The following DOK6 variants were observed in gnomAD, a reference collection of about 807,000 sequenced individuals.
DOK6 encodes docking protein 6.
In DOK6, 22 loss-of-function variants were observed where a neutral mutation model predicts 44.0. That is an observed-to-expected ratio of 0.50 (90% CI 0.36 to 0.71). DOK6 has a LOEUF of 0.71. Ranked by LOEUF, DOK6 falls within the 30% of genes least tolerant of loss-of-function variation. The probability of loss-of-function intolerance (pLI) is 0.00; values close to 1 mark genes in which losing one functional copy is unlikely to be tolerated. For missense variants in DOK6, 340 were observed against 416.4 expected, an observed-to-expected ratio of 0.82 and a Z score of 1.60; for synonymous variants, 166 against 145.5, an observed-to-expected ratio of 1.14 and a Z score of -1.01.
intron 4 of DOK6, among the ~76,000 whole-genome samples, chr18:69,689,971 C>T (rs145107139): frequency 5.6e-4 from 85 of 152,134 alleles, no homozygotes; most frequent in Middle Eastern, 3.5e-3. Context: ...TAAATACTTT[C>T]AGTATAATAA....
chr18:69,568,010 G>C (rs1030534831), intron 2 of DOK6, among the ~76,000 whole-genome samples: 12 of 152,176 alleles, frequency 7.9e-5, no homozygotes, highest in African/African-American at 2.9e-4. Flanking sequence ...CTCCCTCTCA[G>C]CCCAAGCTGG....
chr18:69,553,561 A>G (rs558944142), intron 1 of DOK6, among the ~76,000 whole-genome samples: 8 of 152,172 alleles, frequency 5.3e-5, no homozygotes, highest in Non-Finnish European at 1.2e-4. Context: ...ACTTAAGTGG[A>G]TGAGACTTAC....
chr18:69,581,511 A>G (rs1422363609), intron 2 of DOK6, among the ~76,000 whole-genome samples: 1 of 152,060 alleles, frequency 6.6e-6, no homozygotes, highest in Non-Finnish European at 1.5e-5. Flanking sequence ...AATGGGAGGG[A>G]ATTTTTTAGG....
chr18:69,650,650 T>C (rs1459116164), intron 3 of DOK6, among the ~76,000 whole-genome samples: 2 of 152,190 alleles, frequency 1.3e-5, no homozygotes, highest in East Asian at 1.9e-4. Flanking sequence ...GTGTAAAGCT[T>C]CAGTTATGCC....
intron 1 of DOK6, among the ~76,000 whole-genome samples, chr18:69,463,689 G>A (rs543275565): frequency 1.3e-5 from 2 of 152,042 alleles, no homozygotes; most frequent in South Asian, 4.2e-4. Flanking sequence ...ATGTGTGGGT[G>A]TCTATGTGTG....
chr18:69,688,412 T>A (rs1049409970), intron 4 of DOK6, among the ~76,000 whole-genome samples: 2 of 152,202 alleles, frequency 1.3e-5, no homozygotes, highest in Non-Finnish European at 2.9e-5. Flanking sequence ...GAAACCGGTG[T>A]CTTTCCTAAT....
intron 1 of DOK6, among the ~76,000 whole-genome samples, chr18:69,450,578 C>T (rs1244197530): frequency 1.4e-5 from 2 of 148,026 alleles, no homozygotes; most frequent in South Asian, 2.2e-4. Context: ...AGATACTCCT[C>T]GAGAAGAGCA....
chr18:69,832,215 A>C (rs911662925), intron 7 of DOK6, among the ~76,000 whole-genome samples: 1 of 152,194 alleles, frequency 6.6e-6, no homozygotes, highest in East Asian at 1.9e-4. Flanking sequence ...CTCTATACCC[A>C]ATTCTTTGAG....
chr18:69,811,543 T>C lies in DOK6; in HGVS notation c.857-29701T>C, dbSNP rs950777785. On this transcript the variant is annotated intron_variant, in intron 7 of 7. Transcript: ENST00000382713. Reference sequence around the variant, plus strand: ...ATTCCATTATATATATATATATATATATATATATATATATATATATATATA... The same window carrying C: ...ATTCCATTATATATATATATATATACATATATATATATATATATATATATA... Among the ~76,000 whole-genome samples, 33 of 21,010 alleles carry C rather than the reference T, an allele frequency of 1.6e-3. 1 individual carries two copies. Among genetic ancestry groups the C allele is most frequent in the African/African-American group, 3.0e-3 (32 of 10,686 alleles). 13.8% of individuals were successfully genotyped at this position (21,010 alleles called of 152,430 possible).
At chr18:69,672,509 G>A (rs906090769) in intron 3 of DOK6, among the ~76,000 whole-genome samples, 7 of 152,148 alleles carry the variant, frequency 4.6e-5, no homozygotes, top group Non-Finnish European at 7.4e-5. Flanking sequence ...CAGGCGCGCA[G>A]CACCGCGCCC....
chr18:69,556,599 TTTG>T (rs1568295582), intron 1 of DOK6, among the ~76,000 whole-genome samples: 1 of 152,324 alleles, frequency 6.6e-6, no homozygotes, highest in South Asian at 2.1e-4. Context: ...AAACTTGGTT[TTTG>T]TTGTTATTAT....
intron 5 of DOK6, among the ~76,000 whole-genome samples, chr18:69,701,535 T>C (rs544916412): frequency 6.6e-6 from 1 of 152,326 alleles, no homozygotes; most frequent in African/African-American, 2.4e-5. Flanking sequence ...TGTTACCTCA[T>C]AAATATTGTA....
chr18:69,507,111 T>G (rs1040391048), intron 1 of DOK6, among the ~76,000 whole-genome samples: 1 of 152,070 alleles, frequency 6.6e-6, no homozygotes, highest in African/African-American at 2.4e-5. Flanking sequence ...CACTGCAAAC[T>G]CCACCTCCCG....
At chr18:69,804,228 T>C (rs111307159) in intron 7 of DOK6, among the ~76,000 whole-genome samples, 70 of 152,260 alleles carry the variant, frequency 4.6e-4, no homozygotes, top group African/African-American at 1.6e-3. Context: ...CATTGAAAAG[T>C]TGTTTTCACT....
rs1375666843 is a variant in DOK6, at chr18:69,677,750, G to A, written c.306G>A (p.Glu102=). ...FACESELEAE[E]WCKHLCMECL... is the part of the protein sequence containing the mutation. ...TACTTTCAGAGCTGGAGGCCGAGGA[G>A]TGGTGCAAGCACCTCTGCATGGAGT... Residue 102 remains glutamate (E), a synonymous_variant, in exon 4 of 8, where the codon GAG becomes GAA. Coordinates refer to ENST00000382713, the MANE Select transcript of DOK6 (RefSeq NM_152721.6). The A allele has an allele frequency of 1.2e-6, 2 of 1,613,658 alleles. No individual in the cohort carries two copies.
At chr18:69,541,121 C>CT (rs1489268802) in intron 1 of DOK6, among the ~76,000 whole-genome samples, 45 of 143,556 alleles carry the variant, frequency 3.1e-4, no homozygotes, top group South Asian at 6.7e-4. Flanking sequence ...TTTGTTTCCC[C>CT]AAACTGTTTG....
chr18:69,653,857 C>CATAATGTGTCAAACATCTCT, intron 3 of DOK6, among the ~76,000 whole-genome samples: 1 of 151,594 alleles, frequency 6.6e-6, no homozygotes, highest in African/African-American at 2.4e-5. Flanking sequence ...ATGTTTCAAA[C>CATAATGTGTCAAACATCTCT]ATAATGTTTC....
intron 1 of DOK6, among the ~76,000 whole-genome samples, chr18:69,484,158 AT>A (rs1279546471): frequency 3.3e-5 from 5 of 152,068 alleles, no homozygotes; most frequent in Admixed American, 1.3e-4. Context: ...CATAAAAAAA[AT>A]AATTAAATGT....
rs920188770 is a variant in DOK6 at position 69,510,649 on chromosome 18, G to A, written c.67-53838G>A. ...GTATATTGGCCAAAGTACAAAGCAT[G>A]AGCAATGGTGAAACTGTCTTTACTA... On this transcript the variant is annotated intron_variant, in intron 1 of 7. Coordinates refer to ENST00000382713, the MANE Select transcript of DOK6 (RefSeq NM_152721.6). Among the ~76,000 whole-genome samples, 9 of 152,132 alleles carry A rather than the reference G, an allele frequency of 5.9e-5. 1 individual carries two copies. The East Asian group carries it at 9.6e-4, about 16-fold the overall frequency.
Sources: gnomAD v4.1 joint callset for allele counts (sites outside exome capture counted in the v4.1 genomes callset) on GRCh38, gnomAD v4.1.1 for gene constraint, MANE v1.5 for transcripts, NCBI Gene and HGNC (gene_info 2026-07-23, HGNC 2026-07-21) for gene names.